Variants in GRSF1 observed in about 807,000 individuals in gnomAD.
The protein encoded by GRSF1 is G-rich sequence factor 1.
GRSF1 carries 50 observed loss-of-function variants against 51.1 expected under a neutral mutation model. That is an observed-to-expected ratio of 0.98 (90% CI 0.78 to 1.24). The LOEUF is 1.24. Among genes scored for constraint, GRSF1 ranks in the 50% most tolerant of loss-of-function variants. GRSF1 has a pLI of 0.00. For synonymous variants in GRSF1, 293 were observed against 253.3 expected (o/e 1.16, Z -1.49); for missense variants, 700 against 639.7 (o/e 1.09, Z -1.02).
chr4:70,838,129 G>A (rs994545824), intron 1 of GRSF1, among the ~76,000 whole-genome samples: 2 of 145,070 alleles, frequency 1.4e-5, no homozygotes, highest in East Asian at 2.1e-4. Flanking sequence ...TGAAGCAGGA[G>A]AATGGCGTGA....
intron 2 of GRSF1, among the ~76,000 whole-genome samples, chr4:70,835,523 C>CTCGG (rs1401431400): frequency 6.1e-5 from 9 of 148,692 alleles, no homozygotes; most frequent in African/African-American, 2.2e-4. Context: ...GTGGCACCAT[C>CTCGG]TCGGCTCACT....
intron 2 of GRSF1, among the ~76,000 whole-genome samples, chr4:70,834,404 TAAAG>T (rs753861018): frequency 6.6e-6 from 1 of 152,238 alleles, no homozygotes; most frequent in Non-Finnish European, 1.5e-5. Context: ...CTGTATTACA[TAAAG>T]AGTCACCCTT....
rs1733466750 is a variant in GRSF1, at chr4:70,820,786, A to G, written c.*101T>C. 6.6e-6 allele frequency: 1 copy of G among 152,664 alleles called. No homozygotes were observed. The highest frequency in any genetic ancestry group is 2.4e-5 in the African/African-American group (1 of 41,466). 9.5% of individuals were successfully genotyped at this position (152,664 alleles called of 1,614,324 possible). On this transcript the variant is annotated 3_prime_UTR_variant, in exon 10 of 10. Transcript: ENST00000254799. Reference sequence around the variant, plus strand: ...AAAACACCAAAATCATTTCCCTAGCAGTTGCTGCTAATAAACTGGAACTGT... The same window carrying G: ...AAAACACCAAAATCATTTCCCTAGCGGTTGCTGCTAATAAACTGGAACTGT...
At chr4:70,837,487 C>T (rs1479204731) in intron 1 of GRSF1, among the ~76,000 whole-genome samples, 2 of 143,364 alleles carry the variant, frequency 1.4e-5, no homozygotes, top group Non-Finnish European at 1.5e-5. Context: ...TCGCCTGAAC[C>T]CGGGAGGTAG....
In GRSF1 at chr4:70,839,835, G is replaced by C. The variant is rs1339754256; in HGVS notation, c.-8C>G. The C allele has an allele frequency of 6.7e-7, 1 of 1,488,518 alleles. No individual in the cohort carries two copies. Among genetic ancestry groups the C allele is most frequent in the East Asian group, 2.8e-5 (1 of 35,398 alleles). 92.2% of individuals were successfully genotyped at this position (1,488,518 alleles called of 1,614,324 possible). ...CCAGCGCGTGCCGGCCATGGACTCC[G>C]GAGGCGGCGCAGGGCCTGAAGGCAG... is the stretch of plus-strand genomic sequence containing the variant. On this transcript the variant is annotated 5_prime_UTR_variant, in exon 1 of 10. Transcript: ENST00000254799.
Position 70,817,623 on chromosome 4 carries a change from T to C in GRSF1, c.*3264A>G, listed in dbSNP as rs570190570. ...AAAATGCAAGAGTGACATCACCAAA[T>C]ACTAATGAGGGTGAGGAGCTACAGG... On this transcript the variant is annotated 3_prime_UTR_variant, in exon 10 of 10. Transcript: ENST00000254799. 4.6e-5 allele frequency: 7 copies of C among 152,284 alleles called. No individual in the cohort carries two copies. The East Asian group carries it at 1.4e-3, about 29-fold the overall frequency. 9.4% of individuals were successfully genotyped at this position (152,284 alleles called of 1,614,324 possible).
upstream of GRSF1, among the ~76,000 whole-genome samples, chr4:70,841,677 G>T (rs1048315643): frequency 6.6e-6 from 1 of 152,088 alleles, no homozygotes; most frequent in Non-Finnish European, 1.5e-5. Context: ...TTTAAAGTTT[G>T]ACTTGTTTAA....
In GRSF1 at chr4:70,825,366, T is replaced by C. The variant is rs748297375; in HGVS notation, c.1323A>G (p.Gly441=). Residue 441 remains glycine (G), a synonymous_variant, in exon 8 of 10, where the codon GGA becomes GGG. Coordinates refer to ENST00000254799, the MANE Select transcript of GRSF1 (RefSeq NM_002092.4). ...GGGTCTCAAAGTGCACATCAGCTTCTCCAGTGGCCTTCCCACTGGAGCTGT... is the reference window on the plus strand; with the variant it reads ...GGGTCTCAAAGTGCACATCAGCTTCCCCAGTGGCCTTCCCACTGGAGCTGT... ...MEYSSSGKAT[G]EADVHFETHE... is the part of the protein sequence containing the mutation. The C allele has an allele frequency of 1.2e-6, 2 of 1,612,072 alleles. No individual in the cohort carries two copies. The highest frequency in any genetic ancestry group is 3.3e-5 in the Admixed American group (2 of 59,946).
intron 6 of GRSF1, 85 bp from the exon 7 acceptor site, chr4:70,826,330 C>CTCTACTAAAAATACAAAACTTAGCTGGG: frequency 8.7e-7 from 1 of 1,155,704 alleles, no homozygotes; most frequent in Non-Finnish European, 1.2e-6. Flanking sequence ...ACTTTTATGT[C>CTCTACTAAAAATACAAAACTTAGCTGGG]CAAATCCTCA....
Position 70,839,406 on chromosome 4 carries a change from C to A in GRSF1, c.357+65G>T, listed in dbSNP as rs1356197611. ...AGGCGCACACGGAGGGACGGAGGGGCGCGGGGGCGCGTGCACGCGGCCCGG... is the reference window on the plus strand; with the variant it reads ...AGGCGCACACGGAGGGACGGAGGGGAGCGGGGGCGCGTGCACGCGGCCCGG... On this transcript the variant is annotated intron_variant, in intron 1 of 9. Coordinates refer to ENST00000254799, the MANE Select transcript of GRSF1 (RefSeq NM_002092.4). The A allele has an allele frequency of 4.7e-6, 7 of 1,498,842 alleles. No individual in the cohort carries two copies. In the African/African-American group the frequency reaches 5.6e-5, roughly 12 times the overall value. 92.8% of individuals were successfully genotyped at this position (1,498,842 alleles called of 1,614,324 possible).
In GRSF1 at chr4:70,819,725, C is replaced by T. The variant is rs960634523; in HGVS notation, c.*1162G>A. The T allele has an allele frequency of 6.5e-6, 1 of 152,706 alleles. No homozygotes were observed. The highest frequency in any genetic ancestry group is 1.9e-4 in the East Asian group (1 of 5,182). 9.5% of individuals were successfully genotyped at this position (152,706 alleles called of 1,614,324 possible). A position where few individuals can be genotyped will look rare whatever the true frequency, so the allele number is the denominator to read the frequency against. On this transcript the variant is annotated 3_prime_UTR_variant, in exon 10 of 10. Transcript: ENST00000254799. The stretch of plus-strand genomic sequence containing the variant: ...CTGGTGGCAGTCGTCACCCTGAGAA[C>T]AGGAACAAGGCAAAGAAAGCATACA...
In GRSF1 at chr4:70,817,137, G is replaced by A. The variant is rs909400003; in HGVS notation, c.*3750C>T. On this transcript the variant is annotated 3_prime_UTR_variant, in exon 10 of 10. Coordinates refer to ENST00000254799, the MANE Select transcript of GRSF1 (RefSeq NM_002092.4). ...CAGCTGAATTACAGGAGGGGAAGGAGAATCTTCACTACCGTTTGTATCTCT... is the reference window on the plus strand; with the variant it reads ...CAGCTGAATTACAGGAGGGGAAGGAAAATCTTCACTACCGTTTGTATCTCT... The A allele has an allele frequency of 6.6e-6, 1 of 152,036 alleles. No homozygotes were observed. The highest frequency in any genetic ancestry group is 1.5e-5 in the Non-Finnish European group (1 of 68,008). 9.4% of individuals were successfully genotyped at this position (152,036 alleles called of 1,614,324 possible).
intron 9 of GRSF1, among the ~76,000 whole-genome samples, chr4:70,822,244 G>A (rs1733544468): frequency 6.6e-6 from 1 of 152,112 alleles, no homozygotes; most frequent in African/African-American, 2.4e-5. Context: ...TGTGTTTATG[G>A]ATGATACACT....
intron 5 of GRSF1, among the ~76,000 whole-genome samples, chr4:70,830,605 G>C (rs534586392): frequency 6.6e-6 from 1 of 151,968 alleles, no homozygotes; most frequent in Admixed American, 6.6e-5. Context: ...AATGACTTGA[G>C]TCCGGGAGTT....
chr4:70,828,736 A>ATTTTTTT (rs35686810), intron 5 of GRSF1, among the ~76,000 whole-genome samples: 1 of 133,306 alleles, frequency 7.5e-6, no homozygotes, highest in East Asian at 2.2e-4. Flanking sequence ...CACACTGCTA[A>ATTTTTTT]TTTTTTTTTT....
chr4:70,833,262 G>A lies in GRSF1; in HGVS notation c.526C>T (p.Arg176Cys), dbSNP rs770507771. 1.6e-5 allele frequency: 26 copies of A among 1,613,408 alleles called. No individual in the cohort carries two copies. The highest frequency in any genetic ancestry group is 5.5e-5 in the South Asian group (5 of 90,988). The change falls in exon 3 of 10, where the codon CGC (arginine) becomes TGC (cysteine). Residue 176 changes from arginine (R) to cysteine (C), a missense_variant. By Grantham distance (180) the Arg-to-Cys change is radical. Coordinates refer to ENST00000254799, the MANE Select transcript of GRSF1 (RefSeq NM_002092.4). ...AAATGTATTCCATTCTCACCGTTGC[G>A]GATTCTGCAGTCTAAAAGTGTATGA... Reference protein sequence around the residue: ...VLNFFSDCRIRNGENGIHFLL... With the variant: ...VLNFFSDCRICNGENGIHFLL...
chr4:70,824,503 C>T (rs1733654558), intron 8 of GRSF1, 135 bp from the exon 9 acceptor site: 3 of 576,724 alleles, frequency 5.2e-6, no homozygotes, highest in Admixed American at 2.6e-5. Context: ...AAATTTAGGC[C>T]AGACACGGTG....
intron 1 of GRSF1, among the ~76,000 whole-genome samples, chr4:70,837,558 C>T (rs1220752634): frequency 7.1e-5 from 4 of 56,568 alleles, no homozygotes; most frequent in Admixed American, 2.6e-4. Flanking sequence ...AGCAAGACTC[C>T]GTCTCAAAAA....
chr4:70,820,804 G>A lies in GRSF1; in HGVS notation c.*83C>T, dbSNP rs1733467279. ...CCCTAGCAGTTGCTGCTAATAAACT[G>A]GAACTGTATATCCCAAGTCCAAGAA... On this transcript the variant is annotated 3_prime_UTR_variant, in exon 10 of 10. Coordinates refer to ENST00000254799, the MANE Select transcript of GRSF1 (RefSeq NM_002092.4). 6.6e-6 allele frequency: 1 copy of A among 152,550 alleles called. No homozygotes were observed. The highest frequency in any genetic ancestry group is 2.4e-5 in the African/African-American group (1 of 41,422). The allele number at this position is 152,550 out of a possible 1,614,324, so 9.4% of individuals were successfully genotyped here.
Sources: allele counts gnomAD v4.1 joint callset (sites outside exome capture counted in the v4.1 genomes callset), GRCh38; gene constraint gnomAD v4.1.1; transcripts MANE v1.5; gene names NCBI Gene and HGNC (gene_info 2026-07-23, HGNC 2026-07-21).